UBE3D: variants seen among roughly 807,000 people sequenced by gnomAD.
UBE3D encodes the protein ubiquitin protein ligase E3D.
Under a neutral mutation model 49.6 loss-of-function variants are expected in UBE3D, and 48 were observed. That is an observed-to-expected ratio of 0.97 (90% CI 0.77 to 1.23). UBE3D has a LOEUF of 1.23. Among genes scored for constraint, UBE3D ranks in the 50% most tolerant of loss-of-function variants. The pLI is 0.00. For missense variants in UBE3D, 452 were observed against 468.4 expected (o/e 0.96, Z 0.32); for synonymous variants, 189 against 174.2 (o/e 1.08, Z -0.67).
chr6:83,007,663 C>T (rs984173307), intron 8 of UBE3D, among the ~76,000 whole-genome samples: 5 of 152,146 alleles, frequency 3.3e-5, no homozygotes, highest in African/African-American at 1.2e-4. Flanking sequence ...AATTTTGGCT[C>T]ACCGGGTACG....
At chr6:82,973,975 ACC>A (rs1777534572) in intron 8 of UBE3D, among the ~76,000 whole-genome samples, 1 of 151,752 alleles carries the variant, frequency 6.6e-6, no homozygotes, top group Non-Finnish European at 1.5e-5. Flanking sequence ...GTCTCCCATC[ACC>A]CCCAGATGGG....
At chr6:82,991,723 T>C (rs6929101) in intron 8 of UBE3D, among the ~76,000 whole-genome samples, 84 of 152,186 alleles carry the variant, frequency 5.5e-4, no homozygotes, top group African/African-American at 1.8e-3. Flanking sequence ...AAAATAAGCA[T>C]AGCAATCCCT....
intron 5 of UBE3D, chr6:83,037,874 C>T (rs1406327419): frequency 1.3e-5 from 2 of 151,888 alleles, no homozygotes; most frequent in East Asian, 1.9e-4. Context: ...GTACAAAATT[C>T]GGAATTTTTT....
chr6:83,045,398 T>C (rs374934845), intron 3 of UBE3D, among the ~76,000 whole-genome samples: 1 of 152,198 alleles, frequency 6.6e-6, no homozygotes, highest in Non-Finnish European at 1.5e-5. Flanking sequence ...GAGATTCATC[T>C]AGTTTTGCTA....
At chr6:82,923,738 G>A (rs1330628522) in intron 9 of UBE3D, among the ~76,000 whole-genome samples, 2 of 151,926 alleles carry the variant, frequency 1.3e-5, no homozygotes, top group Admixed American at 1.3e-4. Flanking sequence ...AAATAAAAGA[G>A]GAACATCTGT....
At chr6:82,909,470 T>C (rs1772342644) in intron 9 of UBE3D, among the ~76,000 whole-genome samples, 1 of 152,206 alleles carries the variant, frequency 6.6e-6, no homozygotes, top group African/African-American at 2.4e-5. Flanking sequence ...TCAAGAGATA[T>C]TATTCAGAAA....
chr6:82,888,690 G>T (rs2127707787), downstream of UBE3D, among the ~76,000 whole-genome samples: 2 of 152,190 alleles, frequency 1.3e-5, no homozygotes, highest in South Asian at 2.1e-4. Flanking sequence ...CTTGAAAATG[G>T]GTTTCATAAT....
In UBE3D at chr6:82,975,103, T is replaced by C. The variant is rs1777623448; in HGVS notation, c.1011-17653A>G. Among the ~76,000 whole-genome samples, 5 of 152,156 alleles carry C rather than the reference T, an allele frequency of 3.3e-5. No homozygotes were observed. In the South Asian group the frequency reaches 1.0e-3, roughly 31 times the overall value. ...TTAGTTTAATAAGATAAACACACATTTTTCAGTGAAAGCAGCAAAATTATA... is the reference window on the plus strand; with the variant it reads ...TTAGTTTAATAAGATAAACACACATCTTTCAGTGAAAGCAGCAAAATTATA... On this transcript the variant is annotated intron_variant, in intron 8 of 9. Transcript: ENST00000369747.
chr6:82,908,051 C>CA (rs1199864016), intron 9 of UBE3D, among the ~76,000 whole-genome samples: 1 of 151,888 alleles, frequency 6.6e-6, no homozygotes, highest in African/African-American at 2.4e-5. Context: ...GGATAAATTG[C>CA]AAAAACATTA....
At chr6:82,930,770 A>G (rs1774082293) in intron 9 of UBE3D, among the ~76,000 whole-genome samples, 2 of 152,214 alleles carry the variant, frequency 1.3e-5, no homozygotes, top group Admixed American at 6.5e-5. Flanking sequence ...AGTGTTTAAC[A>G]GGAAGCAGAG....
intron 8 of UBE3D, among the ~76,000 whole-genome samples, chr6:83,001,594 T>C (rs549731878): frequency 8.5e-5 from 13 of 152,286 alleles, no homozygotes; most frequent in Non-Finnish European, 1.5e-4. Flanking sequence ...TGCTGGGCAA[T>C]ATCTTCTTAC....
At chr6:82,932,558 G>A (rs1176851115) in intron 9 of UBE3D, 5 of 152,052 alleles carry the variant, frequency 3.3e-5, no homozygotes, top group Non-Finnish European at 2.9e-5. Flanking sequence ...CTGTCACTAG[G>A]CTATCTTTTC....
downstream of UBE3D, among the ~76,000 whole-genome samples, chr6:82,891,055 G>GA (rs905704128): frequency 2.3e-4 from 35 of 150,148 alleles, no homozygotes; most frequent in South Asian, 6.3e-4. Context: ...ATTCATTTGT[G>GA]AAAAAAAAAT....
chr6:83,012,638 T>G (rs1278317392), intron 8 of UBE3D, among the ~76,000 whole-genome samples: 4 of 152,208 alleles, frequency 2.6e-5, no homozygotes, highest in Admixed American at 1.3e-4. Context: ...ATCTTCACAG[T>G]TTTTGACCAC....
chr6:82,938,927 A>G (rs1242998172), intron 9 of UBE3D, among the ~76,000 whole-genome samples: 5 of 152,058 alleles, frequency 3.3e-5, no homozygotes, highest in Non-Finnish European at 7.4e-5. Flanking sequence ...TGCACCTATA[A>G]TCCCAGCTAC....
At chr6:82,968,361 A>G (rs1205463714) in intron 8 of UBE3D, among the ~76,000 whole-genome samples, 1 of 117,094 alleles carries the variant, frequency 8.5e-6, no homozygotes, top group Non-Finnish European at 1.7e-5. Context: ...TCCACTGACC[A>G]CTCTCTGCCC....
intron 8 of UBE3D, among the ~76,000 whole-genome samples, chr6:83,002,456 G>T (rs766436976): frequency 6.6e-6 from 1 of 152,120 alleles, no homozygotes; most frequent in Non-Finnish European, 1.5e-5. Context: ...AGGCCAAGGT[G>T]GGTGGATCAC....
At chr6:82,911,300 T>C (rs1040085485) in intron 9 of UBE3D, among the ~76,000 whole-genome samples, 2 of 151,512 alleles carry the variant, frequency 1.3e-5, no homozygotes, top group Non-Finnish European at 1.5e-5. Context: ...CATCAGTTCA[T>C]TGTGTACTCT....
the UBE3D span, among the ~76,000 whole-genome samples, chr6:82,881,819 T>C: frequency 1.3e-5 from 2 of 152,222 alleles, no homozygotes; most frequent in Non-Finnish European, 2.9e-5. Context: ...TGGATTTCTC[T>C]AAGCCTCATC....
Sources: allele counts gnomAD v4.1 joint callset (sites outside exome capture counted in the v4.1 genomes callset), GRCh38; gene constraint gnomAD v4.1.1; transcripts MANE v1.5; gene names NCBI Gene and HGNC (gene_info 2026-07-23, HGNC 2026-07-21).